TMEM163: variants seen among roughly 807,000 people sequenced by gnomAD.
The protein encoded by TMEM163 is transmembrane protein 163.
TMEM163 carries 17 observed loss-of-function variants against 29.3 expected under a neutral mutation model. That is an observed-to-expected ratio of 0.58 (90% CI 0.40 to 0.87). The LOEUF (loss-of-function observed/expected upper bound fraction) is 0.87, where lower values mean the gene tolerates loss of function less well. TMEM163 is among the 40% of genes least tolerant of loss of function. TMEM163 has a pLI of 0.00. For synonymous variants in TMEM163, 157 were observed against 160.6 expected (o/e 0.98, Z 0.17); for missense variants, 303 against 381.5 (o/e 0.79, Z 1.71).
At chr2:134,578,863 A>G (rs139969627) in intron 2 of TMEM163, among the ~76,000 whole-genome samples, 140 of 152,266 alleles carry the variant, frequency 9.2e-4, no homozygotes, top group African/African-American at 3.2e-3. Context: ...GGGAGGTAAA[A>G]AGAGACTGCT....
intron 2 of TMEM163, among the ~76,000 whole-genome samples, chr2:134,681,254 C>G (rs967934279): frequency 2.0e-5 from 3 of 152,222 alleles, no homozygotes; most frequent in Admixed American, 2.0e-4. Flanking sequence ...GGTCATGCCT[C>G]TCTCCAGTCT....
intron 2 of TMEM163, among the ~76,000 whole-genome samples, chr2:134,593,008 C>T (rs551544928): frequency 1.3e-5 from 2 of 152,220 alleles, no homozygotes; most frequent in African/African-American, 2.4e-5. Flanking sequence ...CCTCAGGCTC[C>T]AGGAGCTTCT....
intron 4 of TMEM163, among the ~76,000 whole-genome samples, chr2:134,538,451 G>T (rs1446991364): frequency 1.3e-5 from 2 of 152,100 alleles, no homozygotes; most frequent in African/African-American, 4.8e-5. Context: ...TCCACTCCTA[G>T]CTCTATACCC....
intron 6 of TMEM163, among the ~76,000 whole-genome samples, chr2:134,465,243 TAC>T (rs1319535040): frequency 2.8e-5 from 4 of 141,354 alleles, no homozygotes; most frequent in African/African-American, 5.8e-5. Flanking sequence ...CACACACACA[TAC>T]ACACACACGT....
At position 134,716,605 on chromosome 2, in the gene TMEM163, G is replaced by A. The variant is rs531943047; in HGVS notation, c.202+2129C>T. On this transcript the variant is annotated intron_variant, in intron 1 of 7. Coordinates refer to ENST00000281924, the MANE Select transcript of TMEM163 (RefSeq NM_030923.5). ...GAAAGCAAGCCAGGCAGGATGCAGAGACACACGGCAGGCAAGTGCTGGGGC... is the reference window on the plus strand; with the variant it reads ...GAAAGCAAGCCAGGCAGGATGCAGAAACACACGGCAGGCAAGTGCTGGGGC... Among the ~76,000 whole-genome samples the A allele has an allele frequency of 2.2e-4, 34 of 152,232 alleles. 2 individuals carry two copies. The highest frequency in any genetic ancestry group is 8.2e-4 in the African/African-American group (34 of 41,510).
At chr2:134,537,482 G>A (rs1446490083) in intron 4 of TMEM163, among the ~76,000 whole-genome samples, 1 of 152,020 alleles carries the variant, frequency 6.6e-6, no homozygotes, top group Non-Finnish European at 1.5e-5. Flanking sequence ...ATCCCATCAT[G>A]GGGGCCCCAA....
At chr2:134,664,450 C>T (rs1300401872) in intron 2 of TMEM163, among the ~76,000 whole-genome samples, 1 of 152,124 alleles carries the variant, frequency 6.6e-6, no homozygotes, top group Non-Finnish European at 1.5e-5. Context: ...TGAATAATGG[C>T]CCCCAAAGAT....
At chr2:134,566,757 A>G (rs1304005490) in intron 2 of TMEM163, among the ~76,000 whole-genome samples, 2 of 152,206 alleles carry the variant, frequency 1.3e-5, no homozygotes, top group Non-Finnish European at 2.9e-5. Context: ...ACAAATGCAG[A>G]AAGAATACAT....
At chr2:134,665,697 G>A (rs1356999641) in intron 2 of TMEM163, among the ~76,000 whole-genome samples, 1 of 152,104 alleles carries the variant, frequency 6.6e-6, no homozygotes, top group Non-Finnish European at 1.5e-5. Context: ...ACACAGCAGA[G>A]GGACTACAGA....
intron 2 of TMEM163, among the ~76,000 whole-genome samples, chr2:134,583,028 T>G (rs1331958052): frequency 6.6e-6 from 1 of 152,120 alleles, no homozygotes; most frequent in East Asian, 1.9e-4. Context: ...GGCATCTCTG[T>G]GCAATGATTA....
chr2:134,620,062 T>C (rs998419219), intron 2 of TMEM163, among the ~76,000 whole-genome samples: 5 of 152,168 alleles, frequency 3.3e-5, no homozygotes, highest in South Asian at 2.1e-4. Context: ...TCCAGTAACA[T>C]GGCAATAATC....
At chr2:134,596,243 T>A (rs1682080857) in intron 2 of TMEM163, among the ~76,000 whole-genome samples, 1 of 152,208 alleles carries the variant, frequency 6.6e-6, no homozygotes, top group African/African-American at 2.4e-5. Context: ...TTTATGGTTT[T>A]AGGTCTAACA....
chr2:134,509,343 G>A (rs1277989430), intron 4 of TMEM163, among the ~76,000 whole-genome samples: 1 of 152,188 alleles, frequency 6.6e-6, no homozygotes, highest in Non-Finnish European at 1.5e-5. Context: ...TCACCAGAGG[G>A]GCCGTTGCCC....
chr2:134,693,279 T>C (rs1175925020), intron 2 of TMEM163, among the ~76,000 whole-genome samples: 1 of 152,122 alleles, frequency 6.6e-6, no homozygotes, highest in Non-Finnish European at 1.5e-5. Context: ...AATTTTAACA[T>C]TGGTTTAAAA....
intron 2 of TMEM163, among the ~76,000 whole-genome samples, chr2:134,649,861 CCAG>C (rs1484165152): frequency 2.0e-5 from 3 of 151,746 alleles, no homozygotes; most frequent in African/African-American, 7.3e-5. Flanking sequence ...AAAAAATTAG[CCAG>C]GCATGGTAGC....
chr2:134,681,173 G>A (rs996241143), intron 2 of TMEM163, among the ~76,000 whole-genome samples: 1 of 151,996 alleles, frequency 6.6e-6, no homozygotes, highest in Non-Finnish European at 1.5e-5. Context: ...TTCTCCAAAT[G>A]TCCAACACAG....
chr2:134,571,395 C>G (rs1295054972), intron 2 of TMEM163, among the ~76,000 whole-genome samples: 16 of 152,154 alleles, frequency 1.1e-4, no homozygotes, highest in Admixed American at 1.0e-3. Context: ...TCCCCACTTG[C>G]CTCTGCCATG....
chr2:134,564,936 G>A lies in TMEM163; in HGVS notation c.323-12845C>T, dbSNP rs554166136. Among the ~76,000 whole-genome samples the A allele has an allele frequency of 1.4e-4, 22 of 152,292 alleles. No individual in the cohort carries two copies. In the East Asian group the frequency reaches 1.7e-3, roughly 12 times the overall value. ...AAATACTTTTAAAAACTGGCTGCCC[G>A]TCTCTATAAAAGCTGATCAGGTCAG... is the stretch of plus-strand genomic sequence containing the variant. On this transcript the variant is annotated intron_variant, in intron 2 of 7. Transcript: ENST00000281924.
At chr2:134,633,600 C>T (rs991769399) in intron 2 of TMEM163, among the ~76,000 whole-genome samples, 3 of 152,154 alleles carry the variant, frequency 2.0e-5, no homozygotes, top group African/African-American at 7.2e-5. Context: ...ACAAAGCTGG[C>T]TCTTCAAGGT....
Sources: allele counts gnomAD v4.1 joint callset (sites outside exome capture counted in the v4.1 genomes callset), GRCh38; gene constraint gnomAD v4.1.1; transcripts MANE v1.5; gene names NCBI Gene and HGNC (gene_info 2026-07-23, HGNC 2026-07-21).